The following TEK variants were observed in gnomAD, a reference collection of about 807,000 sequenced individuals.
The protein encoded by TEK is TEK receptor tyrosine kinase.
TEK carries 43 observed loss-of-function variants against 131.8 expected under a neutral mutation model. The ratio of observed to expected loss-of-function variants is 0.33; its 90% CI spans 0.26 to 0.42. The LOEUF (loss-of-function observed/expected upper bound fraction) is 0.42, where lower values mean the gene tolerates loss of function less well. Ranked by LOEUF, TEK falls within the 10% of genes least tolerant of loss-of-function variation. TEK has a pLI of 1.00. For synonymous variants in TEK, 580 were observed against 491.6 expected (o/e 1.18, Z -2.38); for missense variants, 1,162 against 1,384.4 (o/e 0.84, Z 2.55).
At chr9:27,209,335 T>C (rs1825516461) in intron 16 of TEK, 104 bp downstream of exon 16, 3 of 860,600 alleles carry the variant, frequency 3.5e-6, no homozygotes, top group Non-Finnish European at 5.7e-6. Context: ...TTGCCTATTT[T>C]TTTTAAAGTT....
At chr9:27,193,447 C>G (rs934350480) in intron 11 of TEK, among the ~76,000 whole-genome samples, 1 of 152,128 alleles carries the variant, frequency 6.6e-6, no homozygotes, top group Non-Finnish European at 1.5e-5. Context: ...TGTAAAATTA[C>G]TTCTGGACTT....
At position 27,206,199 on chromosome 9, in the gene TEK, C is replaced by A. The variant is rs137944104; in HGVS notation, c.2365-383C>A. 1.9e-3 allele frequency among the ~76,000 whole-genome samples: 296 copies of A among 152,310 alleles called. 1 individual carries two copies. Among genetic ancestry groups the A allele is most frequent in the Non-Finnish European group, 3.0e-3 (202 of 68,018 alleles). On this transcript the variant is annotated intron_variant, in intron 14 of 22. Coordinates refer to ENST00000380036, the MANE Select transcript of TEK (RefSeq NM_000459.5). Reference sequence around the variant, plus strand: ...CTCACTGAGGCGCATCCTGTGGCTGCCCCACATAGGCTCTCCAAGTTAGTT... The same window carrying A: ...CTCACTGAGGCGCATCCTGTGGCTGACCCACATAGGCTCTCCAAGTTAGTT...
At chr9:27,125,952 T>G (rs1821971032) in intron 1 of TEK, among the ~76,000 whole-genome samples, 1 of 152,148 alleles carries the variant, frequency 6.6e-6, no homozygotes, top group Admixed American at 6.6e-5. Flanking sequence ...ACTCAGAAGA[T>G]ATAAACAGAA....
At chr9:27,207,821 G>C (rs1278817740) in intron 15 of TEK, among the ~76,000 whole-genome samples, 1 of 152,046 alleles carries the variant, frequency 6.6e-6, no homozygotes, top group Non-Finnish European at 1.5e-5. Flanking sequence ...TCTGCTTTCT[G>C]CATTGTTAGG....
At chr9:27,162,721 T>TC (rs1474985631) in intron 2 of TEK, among the ~76,000 whole-genome samples, 7 of 152,038 alleles carry the variant, frequency 4.6e-5, no homozygotes, top group Non-Finnish European at 1.0e-4. Flanking sequence ...ATTTTTCTTT[T>TC]CTTTTTTTTT....
At chr9:27,111,697 A>C (rs1814318385) in intron 1 of TEK, among the ~76,000 whole-genome samples, 1 of 150,944 alleles carries the variant, frequency 6.6e-6, no homozygotes, top group East Asian at 2.0e-4. Context: ...TGCTAACTTC[A>C]GCTTTCAAAC....
At chr9:27,218,656 G>A (rs1825921968) in intron 19 of TEK, 121 bp from the exon 20 acceptor site, 1 of 970,620 alleles carries the variant, frequency 1.0e-6, no homozygotes, top group Non-Finnish European at 1.7e-6. Context: ...GCCTATCCTA[G>A]GATGTAGACA....
chr9:27,224,710 C>T (rs1392069003), intron 21 of TEK, among the ~76,000 whole-genome samples: 1 of 152,132 alleles, frequency 6.6e-6, no homozygotes, highest in Non-Finnish European at 1.5e-5. Flanking sequence ...ACAAGGATGC[C>T]CTCTCTCGCC....
intron 1 of TEK, among the ~76,000 whole-genome samples, chr9:27,110,973 C>G (rs568824654): frequency 6.6e-5 from 10 of 151,886 alleles, no homozygotes; most frequent in Non-Finnish European, 1.2e-4. Flanking sequence ...GGAACTTACT[C>G]TATACCAGGG....
Position 27,229,304 on chromosome 9 carries a change from A to G in TEK, c.*72A>G. Reference sequence around the variant, plus strand: ...GACCCTTGACACCTGCTGAGAAAACATGCCTCTGCCAAAGGATGTGATATA... The same window carrying G: ...GACCCTTGACACCTGCTGAGAAAACGTGCCTCTGCCAAAGGATGTGATATA... On this transcript the variant is annotated 3_prime_UTR_variant, in exon 23 of 23. Coordinates refer to ENST00000380036, the MANE Select transcript of TEK (RefSeq NM_000459.5). 1.4e-6 allele frequency: 2 copies of G among 1,430,790 alleles called. No individual in the cohort carries two copies. The highest frequency in any genetic ancestry group is 2.0e-6 in the Non-Finnish European group (2 of 1,013,892). 88.6% of individuals were successfully genotyped at this position (1,430,790 alleles called of 1,614,324 possible).
intron 1 of TEK, among the ~76,000 whole-genome samples, chr9:27,137,074 C>A (rs1359677767): frequency 6.6e-6 from 1 of 152,096 alleles, no homozygotes; most frequent in Admixed American, 6.5e-5. Context: ...TGCTGCCACG[C>A]CTGGCTAATT....
intron 10 of TEK, among the ~76,000 whole-genome samples, chr9:27,190,899 G>C (rs1295265096): frequency 6.6e-6 from 1 of 152,128 alleles, no homozygotes; most frequent in Non-Finnish European, 1.5e-5. Context: ...GTGCGCTCTA[G>C]AACACAGAAC....
intron 15 of TEK, among the ~76,000 whole-genome samples, chr9:27,207,484 A>G (rs1825439302): frequency 6.6e-6 from 1 of 152,228 alleles, no homozygotes; most frequent in African/African-American, 2.4e-5. Context: ...AGCTTTGTTC[A>G]TCTCAAGACT....
chr9:27,140,220 C>A (rs1294399190), intron 1 of TEK, among the ~76,000 whole-genome samples: 1 of 149,842 alleles, frequency 6.7e-6, no homozygotes, highest in Non-Finnish European at 1.5e-5. Context: ...TTTCACTTGC[C>A]CTTTCACTTC....
chr9:27,169,783 T>C (rs1281328229), intron 4 of TEK, among the ~76,000 whole-genome samples, 154 bp downstream of exon 4: 1 of 152,212 alleles, frequency 6.6e-6, no homozygotes, highest in East Asian at 1.9e-4. Flanking sequence ...GCAAAGCAAA[T>C]GAATAAGAGA....
chr9:27,165,705 A>G (rs1823704075), intron 2 of TEK, among the ~76,000 whole-genome samples: 1 of 152,204 alleles, frequency 6.6e-6, no homozygotes, highest in Non-Finnish European at 1.5e-5. Context: ...AGCAGCTTTC[A>G]AAAAGGGTGG....
intron 1 of TEK, among the ~76,000 whole-genome samples, chr9:27,143,644 G>C (rs771858108): frequency 6.6e-6 from 1 of 152,128 alleles, no homozygotes; most frequent in Non-Finnish European, 1.5e-5. Flanking sequence ...GCAGAGATAG[G>C]CTGTGTCTCC....
intron 1 of TEK, among the ~76,000 whole-genome samples, chr9:27,146,931 G>C (rs186369294): frequency 1.4e-3 from 216 of 152,044 alleles, no homozygotes; most frequent in African/African-American, 4.8e-3. Flanking sequence ...GGGTTTCACC[G>C]TGTTAGCCAG....
In TEK at chr9:27,172,044, A is replaced by G. The variant is rs192985742; in HGVS notation, c.629-572A>G. On this transcript the variant is annotated intron_variant, in intron 4 of 22. Coordinates refer to ENST00000380036, the MANE Select transcript of TEK (RefSeq NM_000459.5). ...TAGGAAAACCAAAGTGTTTTTCCTA[A>G]TCTCTGCTCTCACTGAACACAACAC... is the stretch of plus-strand genomic sequence containing the variant. Among the ~76,000 whole-genome samples, 4 of 152,288 alleles carry G rather than the reference A, an allele frequency of 2.6e-5. No individual in the cohort carries two copies. The East Asian group carries it at 7.7e-4, about 29-fold the overall frequency.
Sources: allele counts gnomAD v4.1 joint callset (sites outside exome capture counted in the v4.1 genomes callset), GRCh38; gene constraint gnomAD v4.1.1; transcripts MANE v1.5; gene names NCBI Gene and HGNC (gene_info 2026-07-23, HGNC 2026-07-21).